Variants in LRRC4B observed in about 807,000 individuals in gnomAD.
The protein encoded by LRRC4B is leucine rich repeat containing 4B, also known as leucine-rich repeat-containing protein 4B.
Under a neutral mutation model 7.3 loss-of-function variants are expected in LRRC4B, and 1 was observed. That is an observed-to-expected ratio of 0.14 (90% CI 0.05 to 0.65). The LOEUF (loss-of-function observed/expected upper bound fraction) is 0.65, where lower values mean the gene tolerates loss of function less well. Among genes scored for constraint, LRRC4B ranks in the 30% least tolerant of loss-of-function variants. LRRC4B has a pLI of 0.84. For synonymous variants in LRRC4B, 500 were observed against 499.2 expected, an observed-to-expected ratio of 1.00 and a Z score of -0.02; for missense variants, 730 against 1,041.6, an observed-to-expected ratio of 0.70 and a Z score of 4.12.
chr19:50,538,492 T>C (rs1274772890), intron 2 of LRRC4B, among the ~76,000 whole-genome samples: 2 of 152,124 alleles, frequency 1.3e-5, no homozygotes, highest in Non-Finnish European at 2.9e-5. Context: ...TAAAAGCTAT[T>C]CTTGGTATTT....
chr19:50,545,271 G>A (rs1394514594), intron 2 of LRRC4B, among the ~76,000 whole-genome samples: 2 of 151,984 alleles, frequency 1.3e-5, no homozygotes, highest in Admixed American at 6.6e-5. Context: ...GCCGGGCGTG[G>A]TGGCACATGC....
At chr19:50,549,018 G>A (rs894148005) in intron 1 of LRRC4B, 145 bp from the exon 2 acceptor site, 25 of 573,730 alleles carry the variant, frequency 4.4e-5, no homozygotes, top group Non-Finnish European at 7.3e-5. Flanking sequence ...GACAGCTGCC[G>A]ATGGACCCAC....
At chr19:50,521,767 C>T (rs1481912087) in intron 2 of LRRC4B, among the ~76,000 whole-genome samples, 1 of 152,024 alleles carries the variant, frequency 6.6e-6, no homozygotes, top group East Asian at 1.9e-4. Context: ...CCCATGTTGG[C>T]CAGACTGTTC....
intron 1 of LRRC4B, 134 bp downstream of exon 1, chr19:50,567,810 T>C (rs1982683437): frequency 1.6e-5 from 1 of 64,266 alleles, no homozygotes. Flanking sequence ...CCGCCCCCTG[T>C]CCTCTGCCAT....
intron 2 of LRRC4B, among the ~76,000 whole-genome samples, chr19:50,520,243 AAAAAG>A (rs1980512209): frequency 3.3e-5 from 2 of 61,112 alleles, no homozygotes. Flanking sequence ...AAAAAAAAAA[AAAAAG>A]AAGAAAAGAA....
rs1982204777 is a variant in LRRC4B, at chr19:50,554,466, C to A, written c.-35-5593G>T. On this transcript the variant is annotated intron_variant, in intron 1 of 2. Coordinates refer to ENST00000652263, the MANE Select transcript of LRRC4B (RefSeq NM_001080457.2). ...GCTCCGTGCACCCAGAGGAAAGCTA[C>A]CACTCTGCCCAAACCTCAGATACCA... Among the ~76,000 whole-genome samples the A allele has an allele frequency of 2.0e-5, 3 of 152,292 alleles. No individual in the cohort carries two copies. The East Asian group carries it at 5.8e-4, about 29-fold the overall frequency.
In LRRC4B at chr19:50,519,307, G is replaced by C; in HGVS notation, c.406C>G (p.Leu136Val). 1 of 1,613,848 alleles carries C rather than the reference G, an allele frequency of 6.2e-7. No individual in the cohort carries two copies. Among genetic ancestry groups the C allele is most frequent in the Non-Finnish European group, 8.5e-7 (1 of 1,180,030 alleles). ...EVGAFNGLPS[L>V]NTLELFDNRL... is the part of the protein sequence containing the mutation. ...TTGTCAAAAAGCTCCAGCGTGTTGA[G>C]GCTGGGCAGCCCGTTGAAGGCGCCC... is the stretch of plus-strand genomic sequence containing the variant. Residue 136 changes from leucine to valine, a missense_variant, in exon 3 of 3, where the codon CTC becomes GTC. Coordinates refer to ENST00000652263, the MANE Select transcript of LRRC4B (RefSeq NM_001080457.2). This position sits in a 1 kb window ranked among gnomAD's most constrained non-coding sequence, Gnocchi z 8.1.
chr19:50,561,942 C>CAAAT (rs139268581), intron 1 of LRRC4B, among the ~76,000 whole-genome samples: 49,826 of 147,484 alleles, frequency 0.34, 8,875 homozygotes, highest in African/African-American at 0.4. Flanking sequence ...CCATAAAATA[C>CAAAT]AAATAAATAA....
chr19:50,530,593 C>T (rs1981011674), intron 2 of LRRC4B, among the ~76,000 whole-genome samples: 1 of 152,182 alleles, frequency 6.6e-6, no homozygotes. Flanking sequence ...GGGCCGTTGT[C>T]TGTGAAAGGA....
chr19:50,547,754 G>T (rs1000789800), intron 2 of LRRC4B, among the ~76,000 whole-genome samples: 2 of 150,852 alleles, frequency 1.3e-5, no homozygotes, highest in South Asian at 4.2e-4. Context: ...ATGTCAATAG[G>T]GCAGAGGTTG....
intron 2 of LRRC4B, among the ~76,000 whole-genome samples, chr19:50,529,404 G>T (rs1184618892): frequency 6.6e-6 from 1 of 152,144 alleles, no homozygotes; most frequent in Non-Finnish European, 1.5e-5. Flanking sequence ...CAGGCACTCG[G>T]TTGCTATTTC....
intron 2 of LRRC4B, among the ~76,000 whole-genome samples, chr19:50,525,498 C>T (rs937317751): frequency 4.6e-5 from 7 of 151,512 alleles, no homozygotes; most frequent in East Asian, 1.9e-4. Context: ...CTCCACCTCC[C>T]GGGTTCAAGT....
chr19:50,560,907 A>G (rs912929785), intron 1 of LRRC4B, among the ~76,000 whole-genome samples: 1 of 152,054 alleles, frequency 6.6e-6, no homozygotes, highest in Admixed American at 6.6e-5. Context: ...CGGCCAACAC[A>G]GTGAAACCCC....
chr19:50,517,458 G>C lies in LRRC4B; in HGVS notation c.*113C>G, dbSNP rs932622077. 5.1e-6 allele frequency: 5 copies of C among 978,686 alleles called. No homozygotes were observed. The highest frequency in any genetic ancestry group is 3.2e-5 in the East Asian group (1 of 30,976). The allele number at this position is 978,686 out of a possible 1,614,324, so 60.6% of individuals were successfully genotyped here. On this transcript the variant is annotated 3_prime_UTR_variant, in exon 3 of 3. Coordinates refer to ENST00000652263, the MANE Select transcript of LRRC4B (RefSeq NM_001080457.2). This position sits in a 1 kb window ranked among gnomAD's most constrained non-coding sequence, Gnocchi z 6.6. The stretch of plus-strand genomic sequence containing the variant: ...AAGCCACCTCTCCCCAATTCCCTGC[G>C]TGGTCCCAGAAGGTGGGCTGGGCTG...
rs772863330 is a variant in LRRC4B at position 50,547,066 on chromosome 19, C to T, written c.297+1476G>A. Among the ~76,000 whole-genome samples, 23 of 152,240 alleles carry T rather than the reference C, an allele frequency of 1.5e-4. No homozygotes were observed. In the Middle Eastern group the frequency reaches 0.017, roughly 113 times the overall value. On this transcript the variant is annotated intron_variant, in intron 2 of 2. Coordinates refer to ENST00000652263, the MANE Select transcript of LRRC4B (RefSeq NM_001080457.2). The stretch of plus-strand genomic sequence containing the variant: ...GGGGAAGGATGGAGTGCAGGGAAGC[C>T]GGGGGCAGGTGCATGGGGACCGCAC...
At chr19:50,560,079 G>T (rs1322053745) in intron 1 of LRRC4B, among the ~76,000 whole-genome samples, 2 of 152,144 alleles carry the variant, frequency 1.3e-5, no homozygotes, top group Non-Finnish European at 2.9e-5. Flanking sequence ...AGGTTGCAGT[G>T]AGCCGAGATC....
At chr19:50,552,576 C>T in intron 1 of LRRC4B, among the ~76,000 whole-genome samples, 1 of 151,506 alleles carries the variant, frequency 6.6e-6, no homozygotes, top group African/African-American at 2.4e-5. Context: ...GTCCACCCAT[C>T]CGTCCATCCA....
chr19:50,564,878 C>A (rs1261122221), intron 1 of LRRC4B, among the ~76,000 whole-genome samples: 2 of 47,148 alleles, frequency 4.2e-5, no homozygotes, highest in Non-Finnish European at 1.2e-4. Context: ...AGCGGCCACC[C>A]CCGCCCCCAA....
chr19:50,567,593 G>A (rs1166355839), intron 1 of LRRC4B, among the ~76,000 whole-genome samples: 2 of 151,720 alleles, frequency 1.3e-5, no homozygotes, highest in African/African-American at 2.4e-5. Flanking sequence ...CCAGAAAGGG[G>A]GGCCCGGACC....
Sources: gnomAD v4.1 joint callset for allele counts (sites outside exome capture counted in the v4.1 genomes callset) on GRCh38, gnomAD v4.1.1 for gene constraint, Gnocchi (gnomAD v3.1) non-coding constraint, MANE v1.5 for transcripts, NCBI Gene and HGNC (gene_info 2026-07-23, HGNC 2026-07-21) for gene names.